BICDL2: variants seen among roughly 807,000 people sequenced by gnomAD.
BICDL2 encodes the protein BICD family like cargo adaptor 2.
In BICDL2, 62 loss-of-function variants were observed where a neutral mutation model predicts 56.6. That is an observed-to-expected ratio of 1.10 (90% CI 0.89 to 1.35). The LOEUF is 1.35. Among genes scored for constraint, BICDL2 ranks in the 40% most tolerant of loss-of-function variants. The pLI, the probability that BICDL2 is intolerant of heterozygous loss-of-function variation, is 0.00. For synonymous variants in BICDL2, 358 were observed against 319.8 expected (o/e 1.12, Z -1.27); for missense variants, 808 against 684.5 (o/e 1.18, Z -2.01).
chr16:3,032,197 G>C (rs1955667130), intron 2 of BICDL2: 1 of 152,286 alleles, frequency 6.6e-6, no homozygotes, highest in Non-Finnish European at 1.5e-5. Flanking sequence ...GCCTCCCAAA[G>C]TGCTGGGATT....
intron 2 of BICDL2, among the ~76,000 whole-genome samples, chr16:3,033,384 G>GCTGT (rs1158378931): frequency 6.6e-6 from 1 of 152,158 alleles, no homozygotes; most frequent in African/African-American, 2.4e-5. Flanking sequence ...AGGGATGGAG[G>GCTGT]CTGTGATCTG....
Position 3,031,121 on chromosome 16 carries a change from C to T in BICDL2, c.312G>A (p.Arg104=), listed in dbSNP as rs1298982708. The change falls in exon 3 of 10, where the codon CGG becomes CGA. Residue 104 remains arginine (R), a synonymous_variant. Transcript: ENST00000572449. ...CGGCTCCTCGGGCTGCCAGGCCTCG[C>T]CGGAGCTCATGGTTCTCCTGCTGGA... ...ERLQQENHEL[R]RGLAARGAEW... 1 of 1,535,648 alleles carries T rather than the reference C, an allele frequency of 6.5e-7. No individual in the cohort carries two copies. The highest frequency in any genetic ancestry group is 8.7e-7 in the Non-Finnish European group (1 of 1,146,450).
Position 3,035,430 on chromosome 16 carries a change from C to G in BICDL2, c.67G>C (p.Asp23His). 1 of 1,612,502 alleles carries G rather than the reference C, an allele frequency of 6.2e-7. No individual in the cohort carries two copies. The highest frequency in any genetic ancestry group is 1.3e-5 in the African/African-American group (1 of 75,028). The stretch of plus-strand genomic sequence containing the variant: ...AGCACAAAGGGGAAGAAGCCCTCGT[C>G]GCCGCTGGGAGAGGCGCCCCCTGAG... ...PLSGGASPSG[D>H]EGFFPFVLER... is the part of the protein sequence containing the mutation. Residue 23 changes from aspartate to histidine, a missense_variant, in exon 2 of 10, where the codon GAC (aspartate) becomes CAC (histidine). By Grantham distance (81) the Asp-to-His change is moderately conservative. Transcript: ENST00000572449.
intron 2 of BICDL2, among the ~76,000 whole-genome samples, chr16:3,033,249 G>A (rs1955681476): frequency 6.6e-6 from 1 of 152,168 alleles, no homozygotes; most frequent in South Asian, 2.1e-4. Context: ...AGGCTGCAGT[G>A]AGCCAAGATC....
chr16:3,030,749 G>C lies in BICDL2; in HGVS notation c.562C>G (p.Gln188Glu). The C allele has an allele frequency of 1.9e-6, 3 of 1,612,804 alleles. No individual in the cohort carries two copies. Among genetic ancestry groups the C allele is most frequent in the Non-Finnish European group, 2.5e-6 (3 of 1,179,824 alleles). Residue 188 changes from glutamine (Q) to glutamate (E), a missense_variant, in exon 4 of 10, where the codon CAG becomes GAG. Physicochemically the swap from Gln to Glu is conservative, Grantham distance 29 (BLOSUM62 2). Transcript: ENST00000572449. ...CTCAGCTCTGCTCCAGCCAGTGCCT[G>C]AGCCTGGCACTGTCCCCGAAGGGCG... ...LDALRGQCQAQALAGAELRTR... is the reference protein window; with the variant it reads ...LDALRGQCQAEALAGAELRTR...
In BICDL2 at chr16:3,030,496, C is replaced by A; in HGVS notation, c.715G>T (p.Glu239Ter). The A allele has an allele frequency of 6.2e-7, 1 of 1,604,232 alleles. No homozygotes were observed. Among genetic ancestry groups the A allele is most frequent in the Non-Finnish European group, 8.5e-7 (1 of 1,179,478 alleles). ...KGEGRLQTTHEELLLLRRERR... is the reference protein window; with the variant it reads ...KGEGRLQTTH Reference sequence around the variant, plus strand: ...TCCCGCCTCAGCAGCAGCAACTCCTCGTGGGTGGTCTGCAGTCTGCCCTCA... The same window carrying A: ...TCCCGCCTCAGCAGCAGCAACTCCTAGTGGGTGGTCTGCAGTCTGCCCTCA... The change falls in exon 5 of 10, where the codon GAG (glutamate) becomes TAG (stop). Residue 239 changes from glutamate to a stop codon, truncating the protein, a stop_gained. Transcript: ENST00000572449. LOFTEE classifies it high-confidence loss of function.
intron 9 of BICDL2, 37 bp downstream of exon 9, chr16:3,028,311 C>CCCTTG: frequency 6.5e-7 from 1 of 1,541,354 alleles, no homozygotes; most frequent in Non-Finnish European, 8.7e-7. Context: ...CCGGTCCCGC[C>CCCTTG]CCTTGCCCCG....
At chr16:3,031,568 C>G (rs1409198716) in intron 2 of BICDL2, 8 of 418,130 alleles carry the variant, frequency 1.9e-5, no homozygotes, top group Non-Finnish European at 3.4e-5. Context: ...CCCAGCTCCT[C>G]CTAGCCAGTT....
chr16:3,035,917 G>C, intron 1 of BICDL2: 1 of 294,342 alleles, frequency 3.4e-6, no homozygotes, highest in Non-Finnish European at 6.6e-6. Context: ...TCAGCAGTTG[G>C]AGTTGGGCCC....
intron 2 of BICDL2, 66 bp from the exon 3 acceptor site, chr16:3,031,216 G>A: frequency 7.2e-7 from 1 of 1,384,024 alleles, no homozygotes; most frequent in Non-Finnish European, 9.8e-7. Context: ...GGCACAGAGA[G>A]ATGGCGATGG....
intron 1 of BICDL2, chr16:3,036,678 C>A (rs1363773060): frequency 2.2e-6 from 1 of 451,924 alleles, no homozygotes; most frequent in South Asian, 1.6e-5. Flanking sequence ...CACCTAGCTG[C>A]CCAGGTGTTG....
In BICDL2 at chr16:3,028,443, T is replaced by C; in HGVS notation, c.1264A>G (p.Asn422Asp). 6.4e-7 allele frequency: 1 copy of C among 1,567,112 alleles called. No individual in the cohort carries two copies. The highest frequency in any genetic ancestry group is 2.3e-5 in the East Asian group (1 of 43,100). The stretch of plus-strand genomic sequence containing the variant: ...GAGTCTCGCTCCAGCGAGACGCGGT[T>C]GAGCTGCAGGGACAGCTCCAGGGCC... ...NKALELSLQL[N>D]RVSLERDSLS... is the part of the protein sequence containing the mutation. Residue 422 changes from asparagine to aspartate, a missense_variant, in exon 9 of 10, where the codon AAC becomes GAC. Coordinates refer to ENST00000572449, the MANE Select transcript of BICDL2 (RefSeq NM_001369667.1).
At chr16:3,032,326 C>T (rs2717713) in intron 2 of BICDL2, 49,315 of 152,170 alleles carry the variant, frequency 0.32, 8,377 homozygotes, top group Admixed American at 0.37. Flanking sequence ...CAGGATTAAG[C>T]TGTCAGGTTC....
rs906144436 is a variant in BICDL2, at chr16:3,028,056, G to A, written c.*50C>T. The A allele has an allele frequency of 7.2e-7, 1 of 1,395,682 alleles. No homozygotes were observed. Among genetic ancestry groups the A allele is most frequent in the Non-Finnish European group, 9.3e-7 (1 of 1,076,630 alleles). 86.5% of individuals were successfully genotyped at this position (1,395,682 alleles called of 1,614,324 possible). On this transcript the variant is annotated 3_prime_UTR_variant, in exon 10 of 10. Transcript: ENST00000572449. ...GGCCCTGTCGCTCCATTGGCCTGAA[G>A]AGGAAAGTGAGCCCCTAAGTGGGCA...
chr16:3,029,520 G>A, intron 6 of BICDL2, 25 bp downstream of exon 6: 1 of 1,560,594 alleles, frequency 6.4e-7, no homozygotes, highest in South Asian at 1.2e-5. Context: ...GCACAGGTAA[G>A]GGGGCTGGGG....
Position 3,031,130 on chromosome 16 carries a change from A to T in BICDL2, c.303T>A (p.His101Gln). 1 of 1,535,332 alleles carries T rather than the reference A, an allele frequency of 6.5e-7. No homozygotes were observed. The highest frequency in any genetic ancestry group is 8.7e-7 in the Non-Finnish European group (1 of 1,146,348). Residue 101 changes from histidine to glutamine, a missense_variant, in exon 3 of 10, where the codon CAT becomes CAA. By Grantham distance (24) the His-to-Gln change is conservative. Transcript: ENST00000572449. ...GGGCTGCCAGGCCTCGCCGGAGCTC[A>T]TGGTTCTCCTGCTGGAGCCGCTGTG... The part of the protein sequence containing the change: ...EREERLQQEN[H>Q]ELRRGLAARG...
Position 3,027,796 on chromosome 16 carries a change from T to A in BICDL2, c.*310A>T. On this transcript the variant is annotated 3_prime_UTR_variant, in exon 10 of 10. Transcript: ENST00000572449. ...AATGGGGGCCAAATCGGTGGAGTGA[T>A]TTATATATTACTCTGTCCGATCTTG... 1 of 974,692 alleles carries A rather than the reference T, an allele frequency of 1.0e-6. No homozygotes were observed. Among genetic ancestry groups the A allele is most frequent in the Non-Finnish European group, 1.5e-6 (1 of 676,374 alleles). The allele number at this position is 974,692 out of a possible 1,614,324, so 60.4% of individuals were successfully genotyped here.
chr16:3,030,995 C>G lies in BICDL2; in HGVS notation c.438G>C (p.Arg146=), dbSNP rs1388266040. ...CGCTGAGCTCGCTGAGGGCCCGTGC[C>G]CGTTCTCGCCCACTGTCCTGCTGCT... ...RSEQQDSGRE[R]ARALSELSEQ... is the part of the protein sequence containing the mutation. Residue 146 remains arginine (R), a synonymous_variant, in exon 3 of 10, where the codon CGG becomes CGC. Transcript: ENST00000572449. 6.4e-7 allele frequency: 1 copy of G among 1,553,316 alleles called. No homozygotes were observed. Among genetic ancestry groups the G allele is most frequent in the Admixed American group, 1.9e-5 (1 of 52,738 alleles).
intron 2 of BICDL2, among the ~76,000 whole-genome samples, chr16:3,033,715 G>A (rs1955687946): frequency 6.6e-6 from 1 of 152,040 alleles, no homozygotes; most frequent in African/African-American, 2.4e-5. Flanking sequence ...AGCTCGTGAA[G>A]TTGAGGTTCC....
Sources: allele counts gnomAD v4.1 joint callset (sites outside exome capture counted in the v4.1 genomes callset), GRCh38; gene constraint gnomAD v4.1.1; transcripts MANE v1.5; gene names NCBI Gene and HGNC (gene_info 2026-07-23, HGNC 2026-07-21).